OPA1: variants seen among roughly 807,000 people sequenced by gnomAD.
The protein encoded by OPA1 is dynamin-like GTPase OPA1, mitochondrial.
Under a neutral mutation model 152.9 loss-of-function variants are expected in OPA1, and 59 were observed. The ratio of observed to expected loss-of-function variants is 0.39; its 90% CI spans 0.31 to 0.48. The LOEUF is 0.48. Among genes scored for constraint, OPA1 ranks in the 20% least tolerant of loss-of-function variants. OPA1 has a pLI of 0.96. For synonymous variants in OPA1, 400 were observed against 389.9 expected (o/e 1.03, Z -0.31); for missense variants, 1,008 against 1,216.8 (o/e 0.83, Z 2.55).
At chr3:193,643,649 T>C (rs1560374130) in intron 15 of OPA1, 22 bp downstream of exon 15, 1 of 1,557,484 alleles carries the variant, frequency 6.4e-7, no homozygotes. Flanking sequence ...CAAAAGATTT[T>C]AATGTACTGA....
chr3:193,670,422 G>A lies in OPA1; in HGVS notation c.2983+3142G>A, dbSNP rs560754639. Among the ~76,000 whole-genome samples the A allele has an allele frequency of 1.1e-3, 162 of 145,484 alleles. 1 individual carries two copies. Among genetic ancestry groups the A allele is most frequent in the African/African-American group, 3.8e-3 (149 of 39,246 alleles). ...TTTTTTTGAGATGGAGTCTCGCTGT[G>A]TCGCCCAGGCTAGAGTGCAGTGGCA... On this transcript the variant is annotated intron_variant, in intron 29 of 30. Coordinates refer to ENST00000361510, the MANE Select transcript of OPA1 (RefSeq NM_130837.3).
At chr3:193,624,104 A>G (rs1355207020) in intron 6 of OPA1, 1 of 152,640 alleles carries the variant, frequency 6.6e-6, no homozygotes, top group African/African-American at 2.4e-5. Flanking sequence ...GTGTATATAC[A>G]TAAGCAGTGA....
intron 1 of OPA1, among the ~76,000 whole-genome samples, chr3:193,604,596 A>G (rs1004289330): frequency 3.3e-5 from 5 of 152,094 alleles, no homozygotes; most frequent in African/African-American, 1.2e-4. Flanking sequence ...CATGGTGGCT[A>G]ACGCCTGTAA....
chr3:193,595,777 T>G (rs1054461700), intron 1 of OPA1, among the ~76,000 whole-genome samples: 2 of 152,156 alleles, frequency 1.3e-5, no homozygotes, highest in Non-Finnish European at 2.9e-5. Context: ...TTTTTCTCTC[T>G]TATTTTTTAT....
rs539336334 is a variant in OPA1, at chr3:193,684,836, G to A, written c.2984-7227G>A. On this transcript the variant is annotated intron_variant, in intron 29 of 30. Transcript: ENST00000361510. Reference sequence around the variant, plus strand: ...ATTGCCATCCACTTAAGAAAGTTGAGTGGTCTAACAAGTATAAAAGCCTAA... The same window carrying A: ...ATTGCCATCCACTTAAGAAAGTTGAATGGTCTAACAAGTATAAAAGCCTAA... Among the ~76,000 whole-genome samples the A allele has an allele frequency of 7.8e-4, 119 of 152,266 alleles. 1 individual carries two copies. Among genetic ancestry groups the A allele is most frequent in the African/African-American group, 2.8e-3 (115 of 41,552 alleles).
At chr3:193,661,426 C>A (rs1715239742) in intron 25 of OPA1, among the ~76,000 whole-genome samples, 1 of 152,142 alleles carries the variant, frequency 6.6e-6, no homozygotes, top group African/African-American at 2.4e-5. Flanking sequence ...TCCTTTCTAT[C>A]CCTCCCACTC....
chr3:193,686,727 A>G (rs1303874300), intron 29 of OPA1, among the ~76,000 whole-genome samples: 2 of 152,224 alleles, frequency 1.3e-5, no homozygotes, highest in East Asian at 3.8e-4. Flanking sequence ...ATTACATAAT[A>G]AGAAGCGTTC....
Position 193,626,141 on chromosome 3 carries a change from A to C in OPA1, c.728A>C (p.Glu243Ala). ...ILLQQQIQEHEEEARRAAGQY... is the reference protein window; with the variant it reads ...ILLQQQIQEHAEEARRAAGQY... ...TTACAACAACAAATTCAAGAGCATG[A>C]AGAGGAAGCGCGCAGAGCCGCTGGC... Residue 243 changes from glutamate (E) to alanine (A), a missense_variant, in exon 7 of 31, where the codon GAA (glutamate) becomes GCA (alanine). Physicochemically the swap from Glu to Ala is moderately radical, Grantham distance 107. Coordinates refer to ENST00000361510, the MANE Select transcript of OPA1 (RefSeq NM_130837.3). The C allele has an allele frequency of 6.2e-7, 1 of 1,614,128 alleles. No homozygotes were observed. Among genetic ancestry groups the C allele is most frequent in the Non-Finnish European group, 8.5e-7 (1 of 1,179,998 alleles).
At chr3:193,663,637 G>A (rs763960863) in intron 26 of OPA1, among the ~76,000 whole-genome samples, 24 of 152,008 alleles carry the variant, frequency 1.6e-4, no homozygotes, top group African/African-American at 5.8e-4. Flanking sequence ...AACACAATTA[G>A]AAAAATAAGT....
intron 25 of OPA1, among the ~76,000 whole-genome samples, chr3:193,661,123 C>G (rs1715170378): frequency 6.6e-6 from 1 of 152,176 alleles, no homozygotes; most frequent in Non-Finnish European, 1.5e-5. Flanking sequence ...GGAACTTAAA[C>G]CCATAGGGGA....
rs890327417 is a variant in OPA1, at chr3:193,693,870, T to C, written c.*6-736T>C. Reference sequence around the variant, plus strand: ...AGAAATAAACATCTGTAGCGCCTCCTTGATCTCCCCTTTAGCACCAGAGCT... The same window carrying C: ...AGAAATAAACATCTGTAGCGCCTCCCTGATCTCCCCTTTAGCACCAGAGCT... On this transcript the variant is annotated intron_variant, in intron 30 of 30. Coordinates refer to ENST00000361510, the MANE Select transcript of OPA1 (RefSeq NM_130837.3). Among the ~76,000 whole-genome samples, 9 of 152,248 alleles carry C rather than the reference T, an allele frequency of 5.9e-5. No homozygotes were observed. In the East Asian group the frequency reaches 1.3e-3, roughly 23 times the overall value.
At chr3:193,604,056 C>T (rs1472152331) in intron 1 of OPA1, among the ~76,000 whole-genome samples, 2 of 152,164 alleles carry the variant, frequency 1.3e-5, no homozygotes, top group Admixed American at 6.5e-5. Flanking sequence ...CTTTCCACAG[C>T]GTGTGGGACT....
intron 21 of OPA1, among the ~76,000 whole-genome samples, chr3:193,652,297 G>A (rs1441925292): frequency 1.3e-5 from 2 of 151,908 alleles, no homozygotes; most frequent in African/African-American, 4.8e-5. Context: ...TGGGAGAATC[G>A]CTTGAACCCA....
At chr3:193,594,221 C>T (rs1168381326) in intron 1 of OPA1, among the ~76,000 whole-genome samples, 1 of 152,150 alleles carries the variant, frequency 6.6e-6, no homozygotes, top group Non-Finnish European at 1.5e-5. Flanking sequence ...TCAAGCTTAG[C>T]TCATTGTTGC....
At chr3:193,655,754 C>T (rs79155946) in intron 22 of OPA1, among the ~76,000 whole-genome samples, 4,558 of 152,260 alleles carry the variant, frequency 0.03, 243 homozygotes, top group African/African-American at 0.1. Flanking sequence ...TTATGGTCCT[C>T]ATCATCTGAA....
At chr3:193,665,137 A>G in intron 27 of OPA1, 141 bp downstream of exon 27, 1 of 619,226 alleles carries the variant, frequency 1.6e-6, no homozygotes, top group Non-Finnish European at 2.9e-6. Context: ...ATAAAGAATA[A>G]TCTAACTCTT....
At chr3:193,674,448 A>C (rs1718557213) in intron 29 of OPA1, among the ~76,000 whole-genome samples, 1 of 152,240 alleles carries the variant, frequency 6.6e-6, no homozygotes, top group African/African-American at 2.4e-5. Context: ...TGGTACTAAA[A>C]GGGAGCAGCA....
chr3:193,595,536 A>G (rs546180359), intron 1 of OPA1, among the ~76,000 whole-genome samples: 1 of 152,172 alleles, frequency 6.6e-6, no homozygotes, highest in African/African-American at 2.4e-5. Flanking sequence ...ATTTTCTTCT[A>G]ATGTAATTGT....
intron 1 of OPA1, among the ~76,000 whole-genome samples, chr3:193,613,756 T>A (rs1208560684): frequency 6.6e-6 from 1 of 152,088 alleles, no homozygotes; most frequent in African/African-American, 2.4e-5. Flanking sequence ...TTTTGTATTT[T>A]TAGTAGGGAT....
Sources: allele counts gnomAD v4.1 joint callset (sites outside exome capture counted in the v4.1 genomes callset), GRCh38; gene constraint gnomAD v4.1.1; transcripts MANE v1.5; gene names NCBI Gene and HGNC (gene_info 2026-07-23, HGNC 2026-07-21).